The following ATPAF1 variants were observed in gnomAD, a reference collection of about 807,000 sequenced individuals.
ATPAF1 encodes the protein ATP synthase mitochondrial F1 complex assembly factor 1, also known as homolog of yeast ATP11.
In ATPAF1, 26 loss-of-function variants were observed where a neutral mutation model predicts 43.9. That is an observed-to-expected ratio of 0.59 (90% CI 0.43 to 0.82). ATPAF1 has a LOEUF of 0.82. ATPAF1 is among the 40% of genes least tolerant of loss of function. ATPAF1 has a pLI of 0.00. For missense variants in ATPAF1, 366 were observed against 435.0 expected, an observed-to-expected ratio of 0.84 and a Z score of 1.41; for synonymous variants, 157 against 168.0, an observed-to-expected ratio of 0.93 and a Z score of 0.50.
At chr1:46,636,890 G>A (rs550978609) in intron 8 of ATPAF1, among the ~76,000 whole-genome samples, 127 of 152,290 alleles carry the variant, frequency 8.3e-4, no homozygotes, top group African/African-American at 2.8e-3. Context: ...GGAGAAACAC[G>A]ACAAAGACAT....
At chr1:46,636,210 T>G in intron 8 of ATPAF1, 1 of 570,414 alleles carries the variant, frequency 1.8e-6, no homozygotes, top group African/African-American at 1.9e-5. Context: ...TTTTTTTGTC[T>G]ATTTTCCCTA....
intron 6 of ATPAF1, among the ~76,000 whole-genome samples, chr1:46,649,562 A>G (rs543422834): frequency 1.3e-5 from 2 of 152,332 alleles, no homozygotes; most frequent in East Asian, 3.9e-4. Context: ...AATTTCTTAA[A>G]TGCCTAGTGG....
Position 46,653,755 on chromosome 1 carries a change from C to T in ATPAF1, c.540+62G>A. ...TAGGAAAAGTAAAGGCAACTGCCTGCTAAGGTTAGAGAACTGACTTTCATG... is the reference window on the plus strand; with the variant it reads ...TAGGAAAAGTAAAGGCAACTGCCTGTTAAGGTTAGAGAACTGACTTTCATG... On this transcript the variant is annotated intron_variant, in intron 5 of 8. Transcript: ENST00000574428. This position sits in a 1 kb window ranked among gnomAD's most constrained non-coding sequence, Gnocchi z 4.8. 1.3e-6 allele frequency: 2 copies of T among 1,516,070 alleles called. No individual in the cohort carries two copies. The highest frequency in any genetic ancestry group is 1.8e-6 in the Non-Finnish European group (2 of 1,106,596). 93.9% of individuals were successfully genotyped at this position (1,516,070 alleles called of 1,614,324 possible). A position where few individuals can be genotyped will look rare whatever the true frequency, so the allele number is the denominator to read the frequency against.
At chr1:46,643,091 A>G (rs1675978095) in intron 8 of ATPAF1, 103 bp downstream of exon 8, 9 of 864,708 alleles carry the variant, frequency 1.0e-5, no homozygotes, top group Admixed American at 4.9e-5. Flanking sequence ...GAAACAAGGT[A>G]TATGTAGCTC....
intron 2 of ATPAF1, among the ~76,000 whole-genome samples, chr1:46,662,304 C>T (rs1211260457): frequency 6.6e-6 from 1 of 152,076 alleles, no homozygotes; most frequent in Admixed American, 6.6e-5. Flanking sequence ...TGACTTGTAA[C>T]CTTACTACTA....
intron 7 of ATPAF1, 84 bp downstream of exon 7, chr1:46,645,073 ATTCT>A: frequency 1.0e-6 from 1 of 984,360 alleles, no homozygotes; most frequent in Non-Finnish European, 1.5e-6. Flanking sequence ...GTAAGCAGCT[ATTCT>A]GTGTCCTTGA....
rs371462772 is a variant in ATPAF1 at position 46,643,292 on chromosome 1, C to T, written c.694G>A (p.Glu232Lys). 4.0e-5 allele frequency: 65 copies of T among 1,612,068 alleles called. 1 individual carries two copies. In the Middle Eastern group the frequency reaches 6.6e-4, roughly 16 times the overall value. ...AAAATCAGCTGGCTGGCTGCAGCTT[C>T]CCCTCGGGTCTGCAAGGTGGAACAC... Residue 232 changes from glutamate (E) to lysine (K), a missense_variant, in exon 8 of 9, where the codon GAA (glutamate) becomes AAA (lysine). This residue lies in a region of ATPAF1 where 180 missense variants were observed against 266.5 expected (regional missense o/e 0.68). Transcript: ENST00000574428.
intron 7 of ATPAF1, among the ~76,000 whole-genome samples, chr1:46,644,758 T>A (rs1676009354): frequency 6.6e-6 from 1 of 151,644 alleles, no homozygotes; most frequent in African/African-American, 2.4e-5. Flanking sequence ...ACAGAAACTA[T>A]TCACTTAGCA....
chr1:46,641,550 C>T (rs570065126), intron 8 of ATPAF1, among the ~76,000 whole-genome samples: 3 of 152,244 alleles, frequency 2.0e-5, no homozygotes, highest in South Asian at 2.1e-4. Flanking sequence ...TTTCTCTTCC[C>T]ATCCTCTCTT....
At position 46,647,587 on chromosome 1, in the gene ATPAF1, A is replaced by T. The variant is rs75016039; in HGVS notation, c.589-2331T>A. Among the ~76,000 whole-genome samples, 639 of 152,246 alleles carry T rather than the reference A, an allele frequency of 4.2e-3. 1 individual carries two copies. Among genetic ancestry groups the T allele is most frequent in the African/African-American group, 0.014 (588 of 41,546 alleles). ...GACAGACATTTGCATTGTTTCCAGC[A>T]TTGGTTGTTACAAATAAAGCTGCTT... On this transcript the variant is annotated intron_variant, in intron 6 of 8. Coordinates refer to ENST00000574428, the Ensembl canonical transcript of ATPAF1.
At chr1:46,658,604 C>T (rs955880926) in intron 3 of ATPAF1, 83 bp downstream of exon 3, 29 of 1,055,868 alleles carry the variant, frequency 2.7e-5, no homozygotes, top group Non-Finnish European at 3.3e-5. Flanking sequence ...AGCCACAGTA[C>T]TTATGTTCAA....
chr1:46,658,103 G>C, intron 4 of ATPAF1, 24 bp downstream of exon 4: 2 of 1,602,030 alleles, frequency 1.2e-6, no homozygotes, highest in Non-Finnish European at 1.7e-6. Context: ...TCATAGAGTA[G>C]GCCAGCCCAT....
chr1:46,654,243 G>T (rs572569205), intron 4 of ATPAF1, among the ~76,000 whole-genome samples: 1 of 151,818 alleles, frequency 6.6e-6, no homozygotes, highest in Non-Finnish European at 1.5e-5. Context: ...TAGAGCTCAG[G>T]GTTCACAGTC....
intron 2 of ATPAF1, chr1:46,663,852 G>T: frequency 4.8e-6 from 6 of 1,238,476 alleles, no homozygotes; most frequent in Non-Finnish European, 6.2e-6. Flanking sequence ...GGCTTCTGCA[G>T]CCCACACCTG....
At chr1:46,644,708 A>G (rs999933715) in intron 7 of ATPAF1, among the ~76,000 whole-genome samples, 2 of 133,708 alleles carry the variant, frequency 1.5e-5, no homozygotes, top group Non-Finnish European at 3.1e-5. Flanking sequence ...TTTATTGGAA[A>G]TAAAGAAATA....
chr1:46,668,434 C>T, upstream of ATPAF1: 2 of 1,156,866 alleles, frequency 1.7e-6, no homozygotes, highest in Non-Finnish European at 2.1e-6. This position sits in a 1 kb window ranked among gnomAD's most constrained non-coding sequence, Gnocchi z 4.4. Flanking sequence ...CACCGAGGTT[C>T]CGCGCGCCCA....
intron 6 of ATPAF1, among the ~76,000 whole-genome samples, chr1:46,646,642 T>A (rs1260731875): frequency 6.6e-6 from 1 of 152,226 alleles, no homozygotes. Flanking sequence ...ATAAACTTAG[T>A]GCCTACTTGA....
intron 8 of ATPAF1, among the ~76,000 whole-genome samples, chr1:46,642,876 T>C (rs1257989208): frequency 6.6e-6 from 1 of 152,232 alleles, no homozygotes; most frequent in Non-Finnish European, 1.5e-5. Context: ...ATTAGTTATA[T>C]AAATAGTTTC....
intron 8 of ATPAF1, among the ~76,000 whole-genome samples, chr1:46,638,592 A>G (rs941801930): frequency 5.3e-5 from 8 of 150,354 alleles, no homozygotes; most frequent in Non-Finnish European, 1.0e-4. Context: ...ACTGCACTCC[A>G]GCCTTGGTGA....
Sources: gnomAD v4.1 joint callset for allele counts (sites outside exome capture counted in the v4.1 genomes callset) on GRCh38, gnomAD v4.1.1 for gene constraint, gnomAD v4.1.1 regional missense constraint, Gnocchi (gnomAD v3.1) non-coding constraint, MANE v1.5 for transcripts, NCBI Gene and HGNC (gene_info 2026-07-23, HGNC 2026-07-21) for gene names.